Variants in AHCTF1 observed in about 807,000 individuals in gnomAD.
AHCTF1 encodes the protein protein ELYS.
In AHCTF1, 24 loss-of-function variants were observed where a neutral mutation model predicts 248.4. That is an observed-to-expected ratio of 0.10 (90% CI 0.07 to 0.14). The LOEUF is 0.14. AHCTF1 is among the 10% of genes least tolerant of loss of function. AHCTF1 has a pLI of 1.00. For missense variants in AHCTF1, 2,206 were observed against 2,636.2 expected, an observed-to-expected ratio of 0.84 and a Z score of 3.57; for synonymous variants, 786 against 929.8, an observed-to-expected ratio of 0.85 and a Z score of 2.81.
chr1:246,931,414 C>A (rs1572489926), intron 1 of AHCTF1, 164 bp downstream of exon 1: 1 of 1,472,554 alleles, frequency 6.8e-7, no homozygotes, highest in Admixed American at 2.3e-5. Context: ...CGCTCGCCCC[C>A]TCGAGCCCCA....
intron 5 of AHCTF1, among the ~76,000 whole-genome samples, chr1:246,906,003 G>T (rs527837906): frequency 6.6e-6 from 1 of 152,258 alleles, no homozygotes; most frequent in East Asian, 1.9e-4. Context: ...TCATGTCTGT[G>T]TAAACTGGTC....
In AHCTF1 at chr1:246,850,980, T is replaced by C. The variant is rs773350682; in HGVS notation, c.5026A>G (p.Ile1676Val). Reference sequence around the variant, plus strand: ...ATTTCTTTACTTCTTGTGTCTTTAATTACATCTAGTAAATTTTCTGCAATT... The same window carrying C: ...ATTTCTTTACTTCTTGTGTCTTTAACTACATCTAGTAAATTTTCTGCAATT... Reference protein sequence around the residue: ...VAIAENLLDVIKDTRSKEITS... With the variant: ...VAIAENLLDVVKDTRSKEITS... The change falls in exon 33 of 36, where the codon ATT (isoleucine) becomes GTT (valine). Residue 1676 changes from isoleucine to valine, a missense_variant. Physicochemically the swap from Ile to Val is conservative, Grantham distance 29. Around this residue, in one of 6 missense-constraint regions of AHCTF1, gnomAD observed 955 missense variants for 1,055.6 expected, o/e 0.90. Coordinates refer to ENST00000648844, the MANE Select transcript of AHCTF1 (RefSeq NM_001323342.2). 2.5e-6 allele frequency: 4 copies of C among 1,613,986 alleles called. No individual in the cohort carries two copies. Among genetic ancestry groups the C allele is most frequent in the South Asian group, 1.1e-5 (1 of 91,078 alleles).
intron 14 of AHCTF1, among the ~76,000 whole-genome samples, chr1:246,893,249 T>G (rs1363686018): frequency 6.6e-6 from 1 of 152,246 alleles, no homozygotes; most frequent in African/African-American, 2.4e-5. Flanking sequence ...TCACACTGAT[T>G]ACTGAAACAC....
chr1:246,888,681 G>A (rs780805476), intron 17 of AHCTF1, among the ~76,000 whole-genome samples, 164 bp from the exon 18 acceptor site: 12 of 152,166 alleles, frequency 7.9e-5, no homozygotes, highest in Non-Finnish European at 1.8e-4. Flanking sequence ...GGCCAAGGCA[G>A]GAGGATCAAC....
At chr1:246,860,764 C>T (rs1356989218) in intron 29 of AHCTF1, 135 bp downstream of exon 29, 1 of 1,213,438 alleles carries the variant, frequency 8.2e-7, no homozygotes, top group African/African-American at 1.5e-5. Context: ...CCTCAGCCTC[C>T]CAAAGTGCTG....
chr1:246,902,471 T>C, intron 8 of AHCTF1, 54 bp downstream of exon 8: 1 of 1,558,960 alleles, frequency 6.4e-7, no homozygotes, highest in Non-Finnish European at 8.7e-7. Context: ...ATAACACCTG[T>C]CATAAATTTT....
At chr1:246,898,515 C>T (rs992023559) in intron 11 of AHCTF1, among the ~76,000 whole-genome samples, 179 bp from the exon 12 acceptor site, 26 of 152,028 alleles carry the variant, frequency 1.7e-4, no homozygotes, top group African/African-American at 6.3e-4. Context: ...CCAATGCTTG[C>T]TAGTTGTGAA....
intron 19 of AHCTF1, among the ~76,000 whole-genome samples, chr1:246,887,621 G>A (rs907919585): frequency 2.6e-5 from 4 of 152,192 alleles, no homozygotes; most frequent in African/African-American, 9.7e-5. Context: ...TATGAAGTCA[G>A]TAGCTCAGTA....
chr1:246,922,541 C>T (rs1013300335), intron 1 of AHCTF1, among the ~76,000 whole-genome samples: 3 of 151,288 alleles, frequency 2.0e-5, no homozygotes, highest in Middle Eastern at 3.4e-3. Context: ...TCTCTCGTCT[C>T]GTGCCACCAT....
intron 35 of AHCTF1, among the ~76,000 whole-genome samples, chr1:246,841,439 A>T (rs1659855230): frequency 1.3e-5 from 2 of 152,206 alleles, no homozygotes. Context: ...TCACATAGAT[A>T]CGCCAGTTTA....
chr1:246,931,138 G>C (rs1434856863), intron 1 of AHCTF1: 1 of 1,550,020 alleles, frequency 6.5e-7, no homozygotes, highest in East Asian at 2.4e-5. Context: ...CTGTGGCCAG[G>C]CCCAAGCGCA....
At chr1:246,858,836 G>C (rs999120704) in intron 29 of AHCTF1, among the ~76,000 whole-genome samples, 1 of 151,528 alleles carries the variant, frequency 6.6e-6, no homozygotes, top group Non-Finnish European at 1.5e-5. Flanking sequence ...TTCTATTTGA[G>C]ACTGCCTAAT....
intron 2 of AHCTF1, among the ~76,000 whole-genome samples, chr1:246,916,746 G>A (rs1156432343): frequency 6.6e-6 from 1 of 152,168 alleles, no homozygotes; most frequent in Non-Finnish European, 1.5e-5. Context: ...CCTCAATGTA[G>A]AGATAAGGCA....
At chr1:246,885,796 C>G in intron 20 of AHCTF1, 116 bp from the exon 21 acceptor site, 1 of 975,590 alleles carries the variant, frequency 1.0e-6, no homozygotes, top group East Asian at 2.6e-5. Flanking sequence ...TAAATATAAG[C>G]TGAAAAAATC....
In AHCTF1 at chr1:246,918,247, T is replaced by C. The variant is rs912027699; in HGVS notation, c.121+3A>G. 2.5e-6 allele frequency: 4 copies of C among 1,606,092 alleles called. No individual in the cohort carries two copies. Among genetic ancestry groups the C allele is most frequent in the African/African-American group, 2.7e-5 (2 of 74,782 alleles). On this transcript the variant is annotated splice_donor_region_variant and intron_variant, in intron 2 of 35. Coordinates refer to ENST00000648844, the MANE Select transcript of AHCTF1 (RefSeq NM_001323342.2). Reference sequence around the variant, plus strand: ...AGTAAATGTTCAGTGACATTATGTTTACCTGCAGCAAACTTTCCACGAAGC... The same window carrying C: ...AGTAAATGTTCAGTGACATTATGTTCACCTGCAGCAAACTTTCCACGAAGC...
chr1:246,929,976 T>A (rs553704259), intron 1 of AHCTF1, among the ~76,000 whole-genome samples: 1 of 151,328 alleles, frequency 6.6e-6, no homozygotes, highest in Admixed American at 6.6e-5. Flanking sequence ...CGCTTGAACC[T>A]GGGAGACGGA....
chr1:246,844,279 C>A (rs75404843), intron 33 of AHCTF1, among the ~76,000 whole-genome samples: 1 of 152,150 alleles, frequency 6.6e-6, no homozygotes, highest in Admixed American at 6.5e-5. Context: ...CTATATGTAA[C>A]CTGAGCTAGT....
intron 24 of AHCTF1, among the ~76,000 whole-genome samples, chr1:246,870,032 T>G (rs1259125939): frequency 6.6e-6 from 1 of 151,566 alleles, no homozygotes; most frequent in Non-Finnish European, 1.5e-5. Flanking sequence ...CTATGCACAT[T>G]AAAAGGAGTT....
chr1:246,842,374 G>C (rs1242288331), intron 35 of AHCTF1, among the ~76,000 whole-genome samples: 1 of 151,956 alleles, frequency 6.6e-6, no homozygotes, highest in East Asian at 1.9e-4. Context: ...TTGAGACCAG[G>C]AGTTTGAGAC....
Sources: gnomAD v4.1 joint callset for allele counts (sites outside exome capture counted in the v4.1 genomes callset) on GRCh38, gnomAD v4.1.1 for gene constraint, gnomAD v4.1.1 regional missense constraint, MANE v1.5 for transcripts, NCBI Gene and HGNC (gene_info 2026-07-23, HGNC 2026-07-21) for gene names.